Variants in DPF3 observed in about 807,000 individuals in gnomAD.
DPF3 encodes double PHD fingers 3.
In DPF3, 18 loss-of-function variants were observed where a neutral mutation model predicts 56.8. That is an observed-to-expected ratio of 0.32 (90% CI 0.22 to 0.47). The LOEUF (loss-of-function observed/expected upper bound fraction) is 0.47. DPF3 is among the 20% of genes least tolerant of loss of function. DPF3 has a pLI of 1.00. For synonymous variants in DPF3, 188 were observed against 180.2 expected, an observed-to-expected ratio of 1.04 and a Z score of -0.35; for missense variants, 403 against 488.8, an observed-to-expected ratio of 0.82 and a Z score of 1.65.
At chr14:72,869,692 C>T (rs1290080746) in intron 1 of DPF3, among the ~76,000 whole-genome samples, 1 of 152,048 alleles carries the variant, frequency 6.6e-6, no homozygotes, top group African/African-American at 2.4e-5. Flanking sequence ...AAAAAGAGGG[C>T]TGGGAGAGAG....
At chr14:72,826,558 G>A (rs1452042943) in intron 1 of DPF3, among the ~76,000 whole-genome samples, 2 of 152,226 alleles carry the variant, frequency 1.3e-5, no homozygotes, top group African/African-American at 2.4e-5. Flanking sequence ...AAGGAGAGGA[G>A]AGATGATGCA....
At position 72,614,234 on chromosome 14, in the gene DPF3, C is replaced by T. The variant is rs987719257; in HGVS notation, c.*5063G>A. ...GACAGCTATGGAGCCCACCTTCTGACCACGGACCAGTTAGACTCTATGGCA... is the reference window on the plus strand; with the variant it reads ...GACAGCTATGGAGCCCACCTTCTGATCACGGACCAGTTAGACTCTATGGCA... On this transcript the variant is annotated 3_prime_UTR_variant, in exon 11 of 11. Coordinates refer to ENST00000556509, the MANE Select transcript of DPF3 (RefSeq NM_001280542.3). Among the ~76,000 whole-genome samples the T allele has an allele frequency of 3.9e-5, 6 of 152,326 alleles. No individual in the cohort carries two copies. The highest frequency in any genetic ancestry group is 6.8e-3 in the Middle Eastern group (2 of 294).
rs114964385 is a variant in DPF3, at chr14:72,647,166, A to C, written c.872-17430T>G. Among the ~76,000 whole-genome samples the C allele has an allele frequency of 7.7e-3, 1,176 of 152,304 alleles. 19 individuals are homozygous for C. Among genetic ancestry groups the C allele is most frequent in the African/African-American group, 0.027 (1,112 of 41,560 alleles). ...TGAGGATCAAGACCATGGGCTATGT[A>C]CTACTGCTTTGTTAAGCTGGAAAAC... On this transcript the variant is annotated intron_variant, in intron 8 of 10. Coordinates refer to ENST00000556509, the MANE Select transcript of DPF3 (RefSeq NM_001280542.3).
intron 4 of DPF3, among the ~76,000 whole-genome samples, chr14:72,725,360 A>C (rs1567212727): frequency 6.6e-6 from 1 of 152,150 alleles, no homozygotes; most frequent in Non-Finnish European, 1.5e-5. Flanking sequence ...GGGGAGGCCT[A>C]CATGAGAACA....
intron 2 of DPF3, among the ~76,000 whole-genome samples, chr14:72,758,591 GA>G (rs2139915548): frequency 6.6e-6 from 1 of 152,240 alleles, no homozygotes; most frequent in Admixed American, 6.5e-5. Context: ...ATAGGACTGG[GA>G]AAAGAACTAC....
intron 1 of DPF3, among the ~76,000 whole-genome samples, chr14:72,848,497 T>C (rs1884848873): frequency 6.6e-6 from 1 of 152,180 alleles, no homozygotes; most frequent in African/African-American, 2.4e-5. Flanking sequence ...GACCTCTTTG[T>C]TATAGCAGCT....
At chr14:72,684,258 G>A (rs1887303276) in intron 7 of DPF3, among the ~76,000 whole-genome samples, 1 of 152,008 alleles carries the variant, frequency 6.6e-6, no homozygotes, top group African/African-American at 2.4e-5. Context: ...TGTTGACCAG[G>A]CTGGACTCGA....
chr14:72,609,094 C>T lies in DPF3; in HGVS notation c.*10203G>A, dbSNP rs948822090. ...TAAATTGCAGACAAAAGATTCACTA[C>T]GTGGGTAGTCAACATTGCTAACCAA... On this transcript the variant is annotated 3_prime_UTR_variant, in exon 11 of 11. Transcript: ENST00000556509. 6.6e-6 allele frequency among the ~76,000 whole-genome samples: 1 copy of T among 152,206 alleles called. No homozygotes were observed. Among genetic ancestry groups the T allele is most frequent in the African/African-American group, 2.4e-5 (1 of 41,458 alleles).
chr14:72,703,752 C>A (rs747236258), intron 6 of DPF3, among the ~76,000 whole-genome samples: 6 of 152,142 alleles, frequency 3.9e-5, no homozygotes, highest in Non-Finnish European at 8.8e-5. Flanking sequence ...AGGAGTTCAT[C>A]TTCTTACAAT....
At chr14:72,842,805 C>T (rs982002175) in intron 1 of DPF3, among the ~76,000 whole-genome samples, 7 of 152,066 alleles carry the variant, frequency 4.6e-5, no homozygotes, top group African/African-American at 1.4e-4. Flanking sequence ...AGGCGGATCA[C>T]GAGGTCAGGA....
intron 7 of DPF3, among the ~76,000 whole-genome samples, chr14:72,678,991 A>T (rs1887035946): frequency 6.6e-6 from 1 of 152,244 alleles, no homozygotes; most frequent in Non-Finnish European, 1.5e-5. Flanking sequence ...TCAAAGCAAG[A>T]AAAATGAAAA....
intron 1 of DPF3, among the ~76,000 whole-genome samples, chr14:72,792,633 C>A (rs982983043): frequency 6.6e-6 from 1 of 152,030 alleles, no homozygotes; most frequent in African/African-American, 2.4e-5. Flanking sequence ...CTCTCAGTCC[C>A]CAGGGTAACA....
At chr14:72,806,948 A>T (rs1030946432) in intron 1 of DPF3, 1 of 152,218 alleles carries the variant, frequency 6.6e-6, no homozygotes, top group Non-Finnish European at 1.5e-5. Context: ...TGGAAACCTC[A>T]TCTCTGCCCC....
chr14:72,824,833 A>G (rs1469590060), intron 1 of DPF3, among the ~76,000 whole-genome samples: 2 of 151,270 alleles, frequency 1.3e-5, no homozygotes, highest in African/African-American at 4.9e-5. Context: ...CAGCCTCCCA[A>G]AGTGCTGGGA....
intron 1 of DPF3, among the ~76,000 whole-genome samples, chr14:72,884,940 C>CTATATATATATATATATATATA (rs773450437): frequency 0.012 from 351 of 29,562 alleles, 32 homozygotes; most frequent in Middle Eastern, 0.029. Flanking sequence ...ACTAAAAATA[C>CTATATATATATATATATATATA]TATATATATA....
intron 1 of DPF3, among the ~76,000 whole-genome samples, chr14:72,860,219 G>C (rs1885342246): frequency 6.6e-6 from 1 of 152,070 alleles, no homozygotes; most frequent in Non-Finnish European, 1.5e-5. Context: ...GTCTCACCCT[G>C]TTGCCCAGGC....
intron 1 of DPF3, among the ~76,000 whole-genome samples, chr14:72,851,037 C>G (rs1884964214): frequency 6.6e-6 from 1 of 152,182 alleles, no homozygotes. Context: ...GATCTTTCAA[C>G]TTTTCAAGAA....
intron 3 of DPF3, among the ~76,000 whole-genome samples, chr14:72,749,789 G>C (rs1253105122): frequency 6.6e-6 from 1 of 151,998 alleles, no homozygotes; most frequent in Non-Finnish European, 1.5e-5. Context: ...GGAAGTTGAG[G>C]CTGCAGTGAG....
intron 8 of DPF3, among the ~76,000 whole-genome samples, chr14:72,640,812 A>T (rs1599323173): frequency 6.6e-6 from 1 of 152,248 alleles, no homozygotes; most frequent in East Asian, 1.9e-4. Context: ...TTCAGGAGAC[A>T]AGACCAGGCT....
Sources: gnomAD v4.1 joint callset for allele counts (sites outside exome capture counted in the v4.1 genomes callset) on GRCh38, gnomAD v4.1.1 for gene constraint, MANE v1.5 for transcripts, NCBI Gene and HGNC (gene_info 2026-07-23, HGNC 2026-07-21) for gene names.